The following PRRX1 variants were observed in gnomAD, a reference collection of about 807,000 sequenced individuals.
PRRX1 encodes the protein paired related homeobox 1, also known as paired mesoderm homeobox protein 1.
Under a neutral mutation model 24.0 loss-of-function variants are expected in PRRX1, and 8 were observed. The observed-to-expected ratio is 0.33, with a 90% CI of 0.20 to 0.60. The LOEUF is 0.60. Ranked by LOEUF, PRRX1 falls within the 20% of genes least tolerant of loss-of-function variation. PRRX1 has a pLI of 0.82. For synonymous variants in PRRX1, 160 were observed against 131.7 expected (o/e 1.22, Z -1.47); for missense variants, 281 against 322.4 (o/e 0.87, Z 0.98).
chr1:170,678,064 T>G (rs1343764874), intron 1 of PRRX1, among the ~76,000 whole-genome samples: 1 of 152,188 alleles, frequency 6.6e-6, no homozygotes, highest in South Asian at 2.1e-4. Context: ...TTTCTGTGGG[T>G]TTACTTAACT....
At chr1:170,705,231 C>T (rs1461313445) in intron 1 of PRRX1, among the ~76,000 whole-genome samples, 3 of 152,138 alleles carry the variant, frequency 2.0e-5, no homozygotes, top group African/African-American at 7.2e-5. Flanking sequence ...TCTGGCAATT[C>T]ACTTCACTAG....
chr1:170,687,614 G>A (rs1223308170), intron 1 of PRRX1, among the ~76,000 whole-genome samples: 1 of 152,152 alleles, frequency 6.6e-6, no homozygotes, highest in African/African-American at 2.4e-5. Flanking sequence ...GTTTTTGTAA[G>A]CATTAAGTAA....
At chr1:170,730,424 G>A in intron 3 of PRRX1, 1 of 1,277,040 alleles carries the variant, frequency 7.8e-7, no homozygotes, top group Non-Finnish European at 1.1e-6. Context: ...TTAAGAAAGT[G>A]GGGGTTGCAG....
At chr1:170,693,575 A>G in intron 1 of PRRX1, among the ~76,000 whole-genome samples, 1 of 152,216 alleles carries the variant, frequency 6.6e-6, no homozygotes, top group Middle Eastern at 3.4e-3. Flanking sequence ...ATCAATAATC[A>G]CTGTTGTAAA....
At chr1:170,676,519 G>T (rs1558044713) in intron 1 of PRRX1, among the ~76,000 whole-genome samples, 1 of 151,964 alleles carries the variant, frequency 6.6e-6, no homozygotes, top group African/African-American at 2.4e-5. Context: ...GGTTTATTTA[G>T]ATGACTTACT....
At chr1:170,698,259 C>T (rs1654238614) in intron 1 of PRRX1, among the ~76,000 whole-genome samples, 1 of 152,084 alleles carries the variant, frequency 6.6e-6, no homozygotes, top group Non-Finnish European at 1.5e-5. Context: ...CTGATTATTA[C>T]CTTGTACTTT....
chr1:170,725,456 G>A (rs950095321), intron 2 of PRRX1, among the ~76,000 whole-genome samples: 25 of 152,170 alleles, frequency 1.6e-4, no homozygotes, highest in African/African-American at 6.0e-4. Context: ...TAGAACTTCA[G>A]GAGAGTGCCC....
chr1:170,688,369 CT>C (rs1334070349), intron 1 of PRRX1, among the ~76,000 whole-genome samples: 3 of 151,856 alleles, frequency 2.0e-5, no homozygotes, highest in Admixed American at 2.0e-4. Flanking sequence ...TTAAAAATTG[CT>C]TTTATTTAAC....
chr1:170,682,387 A>C (rs1653580277), intron 1 of PRRX1, among the ~76,000 whole-genome samples: 1 of 95,466 alleles, frequency 1.0e-5, no homozygotes, highest in South Asian at 3.4e-4. Context: ...CATCCTGCTC[A>C]CTCCTCTAGA....
intron 3 of PRRX1, chr1:170,730,353 C>G: frequency 6.2e-7 from 1 of 1,604,238 alleles, no homozygotes; most frequent in Non-Finnish European, 8.5e-7. Context: ...GAAAAGGTAA[C>G]TTGTCAGAGG....
chr1:170,687,724 T>C (rs989348868), intron 1 of PRRX1, among the ~76,000 whole-genome samples: 4 of 152,208 alleles, frequency 2.6e-5, no homozygotes, highest in Non-Finnish European at 4.4e-5. Context: ...TATTTTACAA[T>C]TGAACAGACA....
At chr1:170,716,102 A>T (rs909353576) in intron 1 of PRRX1, among the ~76,000 whole-genome samples, 7 of 152,280 alleles carry the variant, frequency 4.6e-5, no homozygotes, top group Non-Finnish European at 5.9e-5. Context: ...CGACAATTTC[A>T]TGGGTTTCAT....
intron 1 of PRRX1, among the ~76,000 whole-genome samples, chr1:170,684,139 T>C (rs564014304): frequency 1.3e-4 from 20 of 152,324 alleles, no homozygotes; most frequent in African/African-American, 4.8e-4. Flanking sequence ...CCTGGGGTCA[T>C]AGATCCTGTT....
At position 170,721,134 on chromosome 1, in the gene PRRX1, G is replaced by A. The variant is rs188549834; in HGVS notation, c.417+1233G>A. 9.8e-4 allele frequency among the ~76,000 whole-genome samples: 149 copies of A among 152,070 alleles called. 1 individual carries two copies. The highest frequency in any genetic ancestry group is 4.3e-3 in the Admixed American group (66 of 15,280). On this transcript the variant is annotated intron_variant, in intron 2 of 3. Transcript: ENST00000239461. ...GCTTTTAATTACCACTCCCCACCCCGCCTCCCAAAAAAACTGAATGAATAA... is the reference window on the plus strand; with the variant it reads ...GCTTTTAATTACCACTCCCCACCCCACCTCCCAAAAAAACTGAATGAATAA...
intron 1 of PRRX1, among the ~76,000 whole-genome samples, chr1:170,705,595 T>C (rs1372630376): frequency 1.3e-5 from 2 of 152,142 alleles, no homozygotes; most frequent in Non-Finnish European, 2.9e-5. Context: ...GAAATATCTA[T>C]TTAAAATATA....
intron 1 of PRRX1, among the ~76,000 whole-genome samples, chr1:170,711,759 C>T (rs1654760537): frequency 6.6e-6 from 1 of 152,160 alleles, no homozygotes. Flanking sequence ...TATGCCTCAT[C>T]CTCAGCTCTG....
At chr1:170,727,213 T>C (rs1380696969) in intron 3 of PRRX1, 1 of 152,102 alleles carries the variant, frequency 6.6e-6, no homozygotes, top group Non-Finnish European at 1.5e-5. Context: ...AATATCAGAG[T>C]ACTATTTCAA....
At chr1:170,703,663 T>C (rs868069470) in intron 1 of PRRX1, among the ~76,000 whole-genome samples, 3 of 152,020 alleles carry the variant, frequency 2.0e-5, no homozygotes, top group Non-Finnish European at 4.4e-5. Context: ...ACACTTTCCA[T>C]TGGTATTTTA....
chr1:170,712,097 C>T (rs1159472790), intron 1 of PRRX1, among the ~76,000 whole-genome samples: 1 of 152,070 alleles, frequency 6.6e-6, no homozygotes, highest in African/African-American at 2.4e-5. Flanking sequence ...TCTTTTCTTT[C>T]CTGTCTTTTT....
Sources: gnomAD v4.1 joint callset for allele counts (sites outside exome capture counted in the v4.1 genomes callset) on GRCh38, gnomAD v4.1.1 for gene constraint, MANE v1.5 for transcripts, NCBI Gene and HGNC (gene_info 2026-07-23, HGNC 2026-07-21) for gene names.